CNTNAP2: variants seen among roughly 807,000 people sequenced by gnomAD.
The protein encoded by CNTNAP2 is contactin-associated protein-like 2.
Under a neutral mutation model 155.2 loss-of-function variants are expected in CNTNAP2, and 98 were observed. The ratio of observed to expected loss-of-function variants is 0.63; its 90% CI spans 0.54 to 0.75. The LOEUF (loss-of-function observed/expected upper bound fraction) is 0.75. CNTNAP2 is among the 30% of genes least tolerant of loss of function. CNTNAP2 has a pLI of 0.00. For missense variants in CNTNAP2, 1,727 were observed against 1,688.1 expected (o/e 1.02, Z -0.40); for synonymous variants, 651 against 631.2 (o/e 1.03, Z -0.47).
chr7:147,794,493 T>C (rs1260214762), intron 13 of CNTNAP2, among the ~76,000 whole-genome samples: 2 of 151,966 alleles, frequency 1.3e-5, no homozygotes, highest in Non-Finnish European at 2.9e-5. Flanking sequence ...ATACATTCAT[T>C]TTATTCATGA....
intron 12 of CNTNAP2, among the ~76,000 whole-genome samples, chr7:147,578,242 T>G (rs1800433320): frequency 6.6e-6 from 1 of 152,130 alleles, no homozygotes; most frequent in Admixed American, 6.6e-5. Flanking sequence ...AAAGAGATGA[T>G]TAGAAAGAAG....
intron 14 of CNTNAP2, among the ~76,000 whole-genome samples, chr7:147,925,654 G>C (rs1280251134): frequency 6.6e-6 from 1 of 151,906 alleles, no homozygotes; most frequent in African/African-American, 2.4e-5. Flanking sequence ...GTAGAGTTGG[G>C]GTTTCACCAT....
intron 15 of CNTNAP2, among the ~76,000 whole-genome samples, chr7:148,061,860 G>T (rs28441993): frequency 6.7e-6 from 1 of 148,676 alleles, no homozygotes; most frequent in Admixed American, 6.9e-5. Flanking sequence ...AATAGATATA[G>T]ATAGATAGAT....
At chr7:146,670,421 A>G (rs374433400) in intron 1 of CNTNAP2, among the ~76,000 whole-genome samples, 9 of 152,082 alleles carry the variant, frequency 5.9e-5, no homozygotes, top group African/African-American at 2.2e-4. Flanking sequence ...CCTAAAATAG[A>G]AGCTAAGGGA....
intron 21 of CNTNAP2, among the ~76,000 whole-genome samples, chr7:148,321,189 A>G (rs530380367): frequency 1.3e-5 from 2 of 152,292 alleles, no homozygotes; most frequent in East Asian, 3.9e-4. Context: ...TTTGGTAGGC[A>G]GTGGAGAGAT....
intron 8 of CNTNAP2, among the ~76,000 whole-genome samples, chr7:147,251,289 A>G (rs79206298): frequency 0.059 from 8,924 of 152,182 alleles, 869 homozygotes; most frequent in East Asian, 0.44. Context: ...TCTTCCTTGC[A>G]AGACCCTGAT....
At chr7:147,516,757 T>A (rs1446071209) in intron 11 of CNTNAP2, among the ~76,000 whole-genome samples, 1 of 152,028 alleles carries the variant, frequency 6.6e-6, no homozygotes, top group African/African-American at 2.4e-5. Context: ...GTTTCTTCTT[T>A]CTAGTTCTCT....
At chr7:147,459,947 A>G (rs761474083) in intron 10 of CNTNAP2, among the ~76,000 whole-genome samples, 1 of 152,098 alleles carries the variant, frequency 6.6e-6, no homozygotes, top group Non-Finnish European at 1.5e-5. Flanking sequence ...AACGATGAGA[A>G]CACATGGACA....
chr7:146,469,601 C>T (rs1383336785), intron 1 of CNTNAP2, among the ~76,000 whole-genome samples: 1 of 150,142 alleles, frequency 6.7e-6, no homozygotes, highest in Non-Finnish European at 1.5e-5. Flanking sequence ...TGGCTCACTG[C>T]AACCTCTGCT....
intron 1 of CNTNAP2, among the ~76,000 whole-genome samples, chr7:146,158,605 T>G (rs1457736265): frequency 6.6e-6 from 1 of 152,146 alleles, no homozygotes; most frequent in Non-Finnish European, 1.5e-5. Context: ...TGTGCAAGCT[T>G]CAGTAGCCAA....
chr7:147,963,516 C>T (rs561411496), intron 14 of CNTNAP2, among the ~76,000 whole-genome samples: 111 of 152,090 alleles, frequency 7.3e-4, no homozygotes, highest in African/African-American at 2.3e-3. Flanking sequence ...TAGAAAAGGG[C>T]GCAACATGTA....
At position 146,272,710 on chromosome 7, in the gene CNTNAP2, G is replaced by A. The variant is rs183923527; in HGVS notation, c.97+155737G>A. 2.0e-4 allele frequency among the ~76,000 whole-genome samples: 30 copies of A among 152,046 alleles called. 1 individual carries two copies. In the East Asian group the frequency reaches 5.6e-3, roughly 28 times the overall value. ...TCCACATACAAATATGTGCCCTCAT[G>A]TGTGTGTGTGGACAAGAAGTCAGAG... On this transcript the variant is annotated intron_variant, in intron 1 of 23. Transcript: ENST00000361727.
chr7:146,812,462 ATTTATAC>A (rs957634900), intron 2 of CNTNAP2, among the ~76,000 whole-genome samples: 11 of 147,468 alleles, frequency 7.5e-5, no homozygotes, highest in Admixed American at 6.8e-4. Flanking sequence ...ATATATATAT[ATTTATAC>A]TTTAAGTTCT....
intron 12 of CNTNAP2, among the ~76,000 whole-genome samples, chr7:147,575,511 C>CTGTGTG (rs377290787): frequency 0.39 from 51,040 of 132,146 alleles, 9,490 homozygotes; most frequent in Non-Finnish European, 0.42. Flanking sequence ...GGGTATACAA[C>CTGTGTG]TGTGTGTGTG....
At chr7:146,347,111 A>G (rs1401915668) in intron 1 of CNTNAP2, among the ~76,000 whole-genome samples, 2 of 139,806 alleles carry the variant, frequency 1.4e-5, no homozygotes, top group African/African-American at 5.3e-5. Context: ...GAAAGCCAGG[A>G]TAGTGTGGTT....
At chr7:146,677,897 T>C (rs1800430804) in intron 1 of CNTNAP2, among the ~76,000 whole-genome samples, 1 of 151,456 alleles carries the variant, frequency 6.6e-6, no homozygotes, top group South Asian at 2.1e-4. Context: ...GGATGTGGAG[T>C]GTTGGAGGGT....
At chr7:148,128,554 T>A (rs1010659593) in intron 16 of CNTNAP2, among the ~76,000 whole-genome samples, 1 of 152,206 alleles carries the variant, frequency 6.6e-6, no homozygotes, top group Admixed American at 6.5e-5. Flanking sequence ...AAAAGATATA[T>A]AAATAGTTGG....
At chr7:148,031,724 G>C (rs1035778723) in intron 15 of CNTNAP2, among the ~76,000 whole-genome samples, 1 of 152,118 alleles carries the variant, frequency 6.6e-6, no homozygotes, top group Non-Finnish European at 1.5e-5. Context: ...ATTGCTGAGT[G>C]GACAAGGTAT....
At chr7:147,618,373 T>C (rs1403986452) in intron 12 of CNTNAP2, among the ~76,000 whole-genome samples, 5 of 152,170 alleles carry the variant, frequency 3.3e-5, no homozygotes, top group Non-Finnish European at 1.5e-5. Flanking sequence ...GTTCATAATA[T>C]TCCTTTTGTA....
Sources: allele counts gnomAD v4.1 joint callset (sites outside exome capture counted in the v4.1 genomes callset), GRCh38; gene constraint gnomAD v4.1.1; transcripts MANE v1.5; gene names NCBI Gene and HGNC (gene_info 2026-07-23, HGNC 2026-07-21).